Variants in WNK1 observed in about 807,000 individuals in gnomAD.
The protein encoded by WNK1 is serine/threonine-protein kinase WNK1.
WNK1 carries 38 observed loss-of-function variants against 222.8 expected under a neutral mutation model. The observed-to-expected ratio is 0.17, with a 90% CI of 0.13 to 0.22. The LOEUF (loss-of-function observed/expected upper bound fraction) is 0.22, where lower values mean the gene tolerates loss of function less well. Ranked by LOEUF, WNK1 falls within the 10% of genes least tolerant of loss-of-function variation. The probability of loss-of-function intolerance (pLI) is 1.00; values close to 1 mark genes in which losing one functional copy is unlikely to be tolerated. For missense variants in WNK1, 2,348 were observed against 2,918.4 expected, an observed-to-expected ratio of 0.80 and a Z score of 4.50; for synonymous variants, 1,090 against 1,092.9, an observed-to-expected ratio of 1.00 and a Z score of 0.05.
In WNK1 at chr12:816,006, A is replaced by T. The variant is rs1489831284; in HGVS notation, c.932+2192A>T. Reference sequence around the variant, plus strand: ...CTTATACTCTGGGATTTTAGACCACATATTGGTTGAGGAGTTGATGCTAGT... The same window carrying T: ...CTTATACTCTGGGATTTTAGACCACTTATTGGTTGAGGAGTTGATGCTAGT... On this transcript the variant is annotated intron_variant, in intron 2 of 27. Coordinates refer to ENST00000315939, the MANE Select transcript of WNK1 (RefSeq NM_018979.4). 4.6e-5 allele frequency among the ~76,000 whole-genome samples: 7 copies of T among 152,250 alleles called. No individual in the cohort carries two copies. The East Asian group carries it at 1.2e-3, about 25-fold the overall frequency.
At chr12:818,112 A>G (rs1361828500) in intron 2 of WNK1, among the ~76,000 whole-genome samples, 3 of 152,218 alleles carry the variant, frequency 2.0e-5, no homozygotes, top group African/African-American at 7.2e-5. Flanking sequence ...TACCACATCT[A>G]TCAAGTTACT....
chr12:758,480 T>A (rs925883248), intron 1 of WNK1, among the ~76,000 whole-genome samples: 1 of 132,748 alleles, frequency 7.5e-6, no homozygotes, highest in African/African-American at 2.7e-5. Flanking sequence ...CTCCACTTCC[T>A]GGGTTCACGC....
Position 873,066 on chromosome 12 carries a change from T to C in WNK1, c.2223+1718T>C, listed in dbSNP as rs546103486. 9.2e-5 allele frequency among the ~76,000 whole-genome samples: 14 copies of C among 152,326 alleles called. No individual in the cohort carries two copies. The East Asian group carries it at 2.5e-3, about 27-fold the overall frequency. On this transcript the variant is annotated intron_variant, in intron 9 of 27. Coordinates refer to ENST00000315939, the MANE Select transcript of WNK1 (RefSeq NM_018979.4). ...TTTTATTCTATTAACAGTTCCTAAT[T>C]AGAATGCAAATTACAAGTCACATAA...
rs750143043 is a variant in WNK1, at chr12:886,007, TCTACCCCAGTCAGCA to T, written c.5208_5222del (p.Pro1737_Thr1741del). On this transcript the variant is annotated inframe_deletion, in exon 19 of 28. Coordinates refer to ENST00000315939, the MANE Select transcript of WNK1 (RefSeq NM_018979.4). The stretch of plus-strand genomic sequence containing the variant: ...ACCAGTGGTCACACCTGGGCAAGTT[TCTACCCCAGTCAGCA>T]CTACTACATCAGGAGTGAAACCTGG... 1 of 1,592,396 alleles carries T rather than the reference TCTACCCCAGTCAGCA, an allele frequency of 6.3e-7. No homozygotes were observed.
At chr12:893,595 G>A (rs180766406) in intron 22 of WNK1, among the ~76,000 whole-genome samples, 1,594 of 149,950 alleles carry the variant, frequency 0.011, 27 homozygotes, top group African/African-American at 0.036. Flanking sequence ...AGGCTGAGGC[G>A]GGCAGATCAC....
At chr12:890,584 C>T (rs775974470) in intron 22 of WNK1, 71 bp downstream of exon 22, 56 of 1,548,120 alleles carry the variant, frequency 3.6e-5, no homozygotes, top group Non-Finnish European at 4.7e-5. Flanking sequence ...GGAGGTTTAC[C>T]GTTTCAAAGA....
intron 4 of WNK1, among the ~76,000 whole-genome samples, chr12:833,527 G>A (rs1411130902): frequency 1.3e-5 from 2 of 151,998 alleles, no homozygotes; most frequent in Non-Finnish European, 2.9e-5. Flanking sequence ...TCCACTATAA[G>A]CTTTTCTGCT....
chr12:871,582 T>C (rs1952154941), intron 9 of WNK1, among the ~76,000 whole-genome samples: 1 of 152,202 alleles, frequency 6.6e-6, no homozygotes, highest in Admixed American at 6.5e-5. Context: ...ATTACTGATA[T>C]AATTATCTTT....
In WNK1 at chr12:877,250, C is replaced by T. The variant is rs79338718; in HGVS notation, c.2224-962C>T. Among the ~76,000 whole-genome samples the T allele has an allele frequency of 4.5e-4, 69 of 151,716 alleles. 1 individual carries two copies. Among genetic ancestry groups the T allele is most frequent in the Middle Eastern group, 6.8e-3 (2 of 294 alleles). On this transcript the variant is annotated intron_variant, in intron 9 of 27. Transcript: ENST00000315939. ...GGCTAATTTTTTGCAATTTTAGTAG[C>T]GATGGGGTTTCTCCATGTTGGTCAG...
In WNK1 at chr12:767,542, C is replaced by T. The variant is rs567916409; in HGVS notation, c.759+13218C>T. Among the ~76,000 whole-genome samples, 5 of 152,034 alleles carry T rather than the reference C, an allele frequency of 3.3e-5. No homozygotes were observed. The South Asian group carries it at 1.0e-3, about 32-fold the overall frequency. On this transcript the variant is annotated intron_variant, in intron 1 of 27. Transcript: ENST00000315939. ...CTGGGATAACAGGCATGACCCACCA[C>T]GCCTGGCCGGGTTGATAGGGGTTTT... is the stretch of plus-strand genomic sequence containing the variant.
At chr12:839,253 A>T (rs1032406293) in intron 4 of WNK1, among the ~76,000 whole-genome samples, 2 of 152,232 alleles carry the variant, frequency 1.3e-5, no homozygotes, top group African/African-American at 4.8e-5. Flanking sequence ...GGGATAAGGG[A>T]CAAAAGGAAA....
At position 859,337 on chromosome 12, in the gene WNK1, T is replaced by C; in HGVS notation, c.1493T>C (p.Ile498Thr). The C allele has an allele frequency of 6.2e-7, 1 of 1,613,444 alleles. No individual in the cohort carries two copies. The highest frequency in any genetic ancestry group is 8.5e-7 in the Non-Finnish European group (1 of 1,179,536). ...ELAEEDDGEK[I>T]AIKLWLRIED... ...GCAGAAGAAGATGATGGAGAAAAAA[T>C]AGCCATAAAATTATGGCTACGTATT... Residue 498 changes from isoleucine to threonine, a missense_variant, in exon 6 of 28, where the codon ATA (isoleucine) becomes ACA (threonine). By Grantham distance (89) the Ile-to-Thr change is moderately conservative (BLOSUM62 -1). Transcript: ENST00000315939.
At chr12:851,312 C>A in intron 4 of WNK1, 1 of 966,556 alleles carries the variant, frequency 1.0e-6, no homozygotes, top group Non-Finnish European at 1.2e-6. Context: ...TTCTAGTGTA[C>A]ATAGAGTTAA....
At position 851,749 on chromosome 12, in the gene WNK1, C is replaced by G. The variant is rs72648650; in HGVS notation, c.1312-5412C>G. The G allele has an allele frequency of 1.9e-4, 252 of 1,344,136 alleles. 2 individuals carry two copies. The East Asian group carries it at 7.5e-3, about 40-fold the overall frequency. 83.3% of individuals were successfully genotyped at this position (1,344,136 alleles called of 1,614,324 possible). A position where few individuals can be genotyped will look rare whatever the true frequency, so the allele number is the denominator to read the frequency against. On this transcript the variant is annotated intron_variant, in intron 4 of 27. Coordinates refer to ENST00000315939, the MANE Select transcript of WNK1 (RefSeq NM_018979.4). Reference sequence around the variant, plus strand: ...TATTTGTCATCATAAATTCTCATTGCTGCTGCTGCCCTCAAAAGGATTGTA... The same window carrying G: ...TATTTGTCATCATAAATTCTCATTGGTGCTGCTGCCCTCAAAAGGATTGTA...
chr12:837,572 T>TAA (rs530005542), intron 4 of WNK1, among the ~76,000 whole-genome samples: 10 of 123,654 alleles, frequency 8.1e-5, no homozygotes, highest in African/African-American at 2.6e-4. Context: ...AGACCCTGTC[T>TAA]AAAAAAAAAA....
At chr12:823,067 T>G (rs1948036884) in intron 2 of WNK1, among the ~76,000 whole-genome samples, 1 of 152,130 alleles carries the variant, frequency 6.6e-6, no homozygotes, top group African/African-American at 2.4e-5. Context: ...TTTTTTGGGG[T>G]TTTGCTTTTG....
At chr12:763,444 C>G (rs1002926601) in intron 1 of WNK1, among the ~76,000 whole-genome samples, 11 of 146,530 alleles carry the variant, frequency 7.5e-5, no homozygotes, top group African/African-American at 2.7e-4. Flanking sequence ...AAAAAACTAG[C>G]CGGGTGTGGT....
intron 1 of WNK1, among the ~76,000 whole-genome samples, chr12:799,192 C>T (rs1357794713): frequency 6.6e-6 from 1 of 152,088 alleles, no homozygotes; most frequent in East Asian, 1.9e-4. Context: ...GGCGCAATTT[C>T]AGCTTACAGC....
At chr12:850,210 C>A (rs11064568) in intron 4 of WNK1, among the ~76,000 whole-genome samples, 1 of 152,082 alleles carries the variant, frequency 6.6e-6, no homozygotes, top group African/African-American at 2.4e-5. Flanking sequence ...CCTATTTCTC[C>A]ACATCCTGTC....
Sources: gnomAD v4.1 joint callset for allele counts (sites outside exome capture counted in the v4.1 genomes callset) on GRCh38, gnomAD v4.1.1 for gene constraint, MANE v1.5 for transcripts, NCBI Gene and HGNC (gene_info 2026-07-23, HGNC 2026-07-21) for gene names.